Variants in DNAI2 observed in about 807,000 individuals in gnomAD.
DNAI2 encodes dynein axonemal intermediate chain 2.
DNAI2 carries 63 observed loss-of-function variants against 74.7 expected under a neutral mutation model. That is an observed-to-expected ratio of 0.84 (90% CI 0.69 to 1.04). DNAI2 has a LOEUF of 1.04. Ranked by LOEUF, DNAI2 falls within the 50% of genes least tolerant of loss-of-function variation. DNAI2 has a pLI of 0.00. For missense variants in DNAI2, 688 were observed against 803.2 expected (o/e 0.86, Z 1.73); for synonymous variants, 289 against 314.9 (o/e 0.92, Z 0.87).
intron 5 of DNAI2, among the ~76,000 whole-genome samples, chr17:74,290,590 G>A (rs532019899): frequency 3.3e-5 from 5 of 152,256 alleles, no homozygotes; most frequent in East Asian, 1.9e-4. Context: ...GAGAGCTAAC[G>A]CCCGACATTC....
chr17:74,288,404 A>T (rs766111224), intron 4 of DNAI2, among the ~76,000 whole-genome samples: 1 of 152,216 alleles, frequency 6.6e-6, no homozygotes, highest in Non-Finnish European at 1.5e-5. Context: ...TGTAGCCAAC[A>T]TCATTAGATA....
rs144140666 is a variant in DNAI2 at position 74,302,508 on chromosome 17, G to A, written c.987+1340G>A. Among the ~76,000 whole-genome samples the A allele has an allele frequency of 5.5e-3, 830 of 152,166 alleles. 8 individuals are homozygous for A. The highest frequency in any genetic ancestry group is 0.019 in the African/African-American group (787 of 41,522). On this transcript the variant is annotated intron_variant, in intron 8 of 13. Coordinates refer to ENST00000311014, the MANE Select transcript of DNAI2 (RefSeq NM_023036.6). Reference sequence around the variant, plus strand: ...CTTGAACCTGGGAGGCGGGGGTTGCGGTGAGCCAAGATCGCATCATTGCAC... The same window carrying A: ...CTTGAACCTGGGAGGCGGGGGTTGCAGTGAGCCAAGATCGCATCATTGCAC...
rs1320219407 is a variant in DNAI2 at position 74,314,166 on chromosome 17, G to A, written c.1768G>A (p.Glu590Lys). 1.2e-6 allele frequency: 2 copies of A among 1,614,218 alleles called. No homozygotes were observed. Among genetic ancestry groups the A allele is most frequent in the East Asian group, 2.2e-5 (1 of 44,892 alleles). ...EEDQVVEEGE[E>K]AAGEEGDEEV... Reference sequence around the variant, plus strand: ...AGACCAGGTGGTGGAGGAGGGAGAGGAAGCAGCGGGGGAAGAAGGGGATGA... The same window carrying A: ...AGACCAGGTGGTGGAGGAGGGAGAGAAAGCAGCGGGGGAAGAAGGGGATGA... Residue 590 changes from glutamate to lysine, a missense_variant, in exon 13 of 14, where the codon GAA becomes AAA. Transcript: ENST00000311014.
At chr17:74,303,155 G>C (rs1242662838) in intron 8 of DNAI2, among the ~76,000 whole-genome samples, 1 of 152,122 alleles carries the variant, frequency 6.6e-6, no homozygotes, top group Admixed American at 6.5e-5. Flanking sequence ...GTTATTATCC[G>C]TACTTGCCAG....
chr17:74,302,277 GA>G (rs1598322403), intron 8 of DNAI2, among the ~76,000 whole-genome samples: 2 of 149,788 alleles, frequency 1.3e-5, no homozygotes, highest in South Asian at 2.1e-4. Flanking sequence ...CATAAGAAAA[GA>G]AAAAAAGGGC....
At chr17:74,298,725 C>T (rs958582250) in intron 6 of DNAI2, among the ~76,000 whole-genome samples, 1 of 152,128 alleles carries the variant, frequency 6.6e-6, no homozygotes, top group African/African-American at 2.4e-5. Flanking sequence ...ACCTCAGCCT[C>T]CCGAGTAGCA....
rs1480909116 is a variant in DNAI2 at position 74,290,180 on chromosome 17, A to G, written c.610+444A>G. Among the ~76,000 whole-genome samples, 2 of 152,114 alleles carry G rather than the reference A, an allele frequency of 1.3e-5. 1 individual carries two copies. Among genetic ancestry groups the G allele is most frequent in the South Asian group, 4.1e-4 (2 of 4,826 alleles). ...AAAATACAAAAATTAGTTGTGCTTG[A>G]TGGTGGGTGCCTGTAATCCCAGCTA... On this transcript the variant is annotated intron_variant, in intron 5 of 13. Transcript: ENST00000311014.
At chr17:74,312,437 C>A (rs2053587845) in intron 12 of DNAI2, among the ~76,000 whole-genome samples, 1 of 152,142 alleles carries the variant, frequency 6.6e-6, no homozygotes, top group African/African-American at 2.4e-5. Flanking sequence ...AGGCTCCTTA[C>A]AGGCAGGAAC....
chr17:74,296,328 A>AGAGAGAGGAGAGAGAGAGG (rs2052428831), intron 6 of DNAI2, among the ~76,000 whole-genome samples: 1 of 72,738 alleles, frequency 1.4e-5, no homozygotes, highest in Non-Finnish European at 4.4e-5. Flanking sequence ...AGAGAGAGAG[A>AGAGAGAGGAGAGAGAGAGG]GAGAGGAGAG....
intron 4 of DNAI2, 29 bp downstream of exon 4, chr17:74,287,127 C>T (rs1265618666): frequency 1.9e-6 from 3 of 1,612,042 alleles, no homozygotes; most frequent in Non-Finnish European, 2.5e-6. Context: ...AGGTGTCTGG[C>T]CACCCTCCGT....
At chr17:74,297,282 C>T (rs1490414368) in intron 6 of DNAI2, among the ~76,000 whole-genome samples, 3 of 150,416 alleles carry the variant, frequency 2.0e-5, no homozygotes, top group Non-Finnish European at 3.0e-5. Flanking sequence ...TTAGTAGAGA[C>T]GGGGTTTCAC....
At chr17:74,311,352 G>A (rs550454748) in intron 11 of DNAI2, among the ~76,000 whole-genome samples, 8 of 152,124 alleles carry the variant, frequency 5.3e-5, no homozygotes, top group South Asian at 2.1e-4. Context: ...GGTGGCTCAC[G>A]CCTGTAATCC....
rs772574421 is a variant in DNAI2 at position 74,299,830 on chromosome 17, G to T, written c.837G>T (p.Glu279Asp). Residue 279 changes from glutamate to aspartate, a missense_variant, in exon 7 of 14, where the codon GAG (glutamate) becomes GAT (aspartate). Transcript: ENST00000311014. ...TIWLQSKTGT[E>D]CFSASTDGQV... ...GGCTGCAGTCGAAGACGGGCACCGA[G>T]TGCTTCTCAGCTTCCACGGATGGGC... 6.2e-7 allele frequency: 1 copy of T among 1,613,600 alleles called. No individual in the cohort carries two copies.
At chr17:74,301,310 G>A (rs955533049) in intron 8 of DNAI2, 142 bp downstream of exon 8, 27 of 1,256,812 alleles carry the variant, frequency 2.1e-5, no homozygotes, top group Admixed American at 3.5e-5. Context: ...CATCCTAGAC[G>A]TGTGTGGCCT....
chr17:74,292,882 T>C (rs1037394320), intron 6 of DNAI2, among the ~76,000 whole-genome samples: 2 of 150,776 alleles, frequency 1.3e-5, no homozygotes, highest in Non-Finnish European at 2.9e-5. Flanking sequence ...CAGGCTGGAG[T>C]GCAGTGGCGC....
intron 3 of DNAI2, among the ~76,000 whole-genome samples, chr17:74,286,520 A>G (rs887478315): frequency 1.3e-5 from 2 of 151,850 alleles, no homozygotes; most frequent in African/African-American, 2.4e-5. Context: ...TCCCGGGTTC[A>G]AGCAATTCTC....
Position 74,310,071 on chromosome 17 carries a change from G to C in DNAI2, c.1402G>C (p.Ala468Pro), listed in dbSNP as rs775110998. ...LRVQDNGCLI[A>P]CGSQLGTTTL... ...GGTGCAGGACAATGGGTGTCTCATC[G>C]CCTGCGGCTCCCAGCTGGGGACAAC... The change falls in exon 11 of 14, where the codon GCC (alanine) becomes CCC (proline). Residue 468 changes from alanine (A) to proline (P), a missense_variant. Coordinates refer to ENST00000311014, the MANE Select transcript of DNAI2 (RefSeq NM_023036.6). The C allele has an allele frequency of 6.2e-7, 1 of 1,613,864 alleles. No homozygotes were observed. The highest frequency in any genetic ancestry group is 8.5e-7 in the Non-Finnish European group (1 of 1,180,022).
intron 6 of DNAI2, among the ~76,000 whole-genome samples, chr17:74,292,986 C>G (rs964083935): frequency 6.6e-6 from 1 of 152,032 alleles, no homozygotes; most frequent in Non-Finnish European, 1.5e-5. Flanking sequence ...CCTGCCACCA[C>G]GCTGGGCTAA....
chr17:74,301,679 A>AT (rs2052772993), intron 8 of DNAI2, among the ~76,000 whole-genome samples: 1 of 151,832 alleles, frequency 6.6e-6, no homozygotes, highest in African/African-American at 2.4e-5. Context: ...TGACAAAGAA[A>AT]TATCAAAGTT....
Sources: allele counts gnomAD v4.1 joint callset (sites outside exome capture counted in the v4.1 genomes callset), GRCh38; gene constraint gnomAD v4.1.1; transcripts MANE v1.5; gene names NCBI Gene and HGNC (gene_info 2026-07-23, HGNC 2026-07-21).